ACOT12: variants seen among roughly 807,000 people sequenced by gnomAD.
The protein encoded by ACOT12 is acetyl-coenzyme A thioesterase.
ACOT12 carries 51 observed loss-of-function variants against 67.7 expected under a neutral mutation model. The ratio of observed to expected loss-of-function variants is 0.75; its 90% CI spans 0.60 to 0.95. The LOEUF is 0.95. Among genes scored for constraint, ACOT12 ranks in the 40% least tolerant of loss-of-function variants. ACOT12 has a pLI of 0.00. For synonymous variants in ACOT12, 251 were observed against 244.6 expected (o/e 1.03, Z -0.24); for missense variants, 734 against 708.1 (o/e 1.04, Z -0.41).
chr5:81,349,540 C>T (rs1035159504), intron 5 of ACOT12, among the ~76,000 whole-genome samples: 26 of 152,128 alleles, frequency 1.7e-4, no homozygotes, highest in African/African-American at 4.1e-4. Flanking sequence ...CTGTGGCCCC[C>T]CCTTGGTCAT....
At chr5:81,336,332 A>G (rs1759002593) in intron 11 of ACOT12, among the ~76,000 whole-genome samples, 2 of 152,132 alleles carry the variant, frequency 1.3e-5, no homozygotes, top group Admixed American at 1.3e-4. Context: ...CTTTCCCAGG[A>G]TGTCAGGCGT....
At chr5:81,320,138 C>A in the ACOT12 span, among the ~76,000 whole-genome samples, 1 of 152,242 alleles carries the variant, frequency 6.6e-6, no homozygotes, top group Middle Eastern at 3.4e-3. Context: ...ATTTATTTTT[C>A]AATCTCCTTA....
chr5:81,361,968 A>G (rs1470430795), intron 4 of ACOT12, among the ~76,000 whole-genome samples: 2 of 152,178 alleles, frequency 1.3e-5, no homozygotes, highest in South Asian at 4.1e-4. Flanking sequence ...CTGATTTTTC[A>G]TGGGTCTCTT....
At chr5:81,331,274 A>G (rs1438240415) in intron 13 of ACOT12, among the ~76,000 whole-genome samples, 1 of 152,234 alleles carries the variant, frequency 6.6e-6, no homozygotes, top group African/African-American at 2.4e-5. Flanking sequence ...GCAGTGGCTC[A>G]CGCCTGTAAT....
rs193294387 is a variant in ACOT12, at chr5:81,361,607, A to G, written c.361-1569T>C. 1.5e-4 allele frequency among the ~76,000 whole-genome samples: 23 copies of G among 152,274 alleles called. No individual in the cohort carries two copies. In the East Asian group the frequency reaches 4.4e-3, roughly 29 times the overall value. On this transcript the variant is annotated intron_variant, in intron 4 of 14. Transcript: ENST00000307624. ...TTCTCCTGAAACCAAGATACCTCGC[A>G]TATGTTTTGGTGATTTCTGTTCTGC... is the stretch of plus-strand genomic sequence containing the variant.
At chr5:81,312,816 C>T in the ACOT12 span, 1 of 542,262 alleles carries the variant, frequency 1.8e-6, no homozygotes, top group Non-Finnish European at 3.3e-6. Context: ...TTTATTCTGT[C>T]TATCAAATAG....
At chr5:81,361,587 C>T (rs1418431203) in intron 4 of ACOT12, among the ~76,000 whole-genome samples, 2 of 152,132 alleles carry the variant, frequency 1.3e-5, no homozygotes, top group African/African-American at 4.8e-5. Flanking sequence ...GTTGGTTCTC[C>T]TGAAACCAAG....
At chr5:81,378,365 C>A (rs907138367) in intron 2 of ACOT12, among the ~76,000 whole-genome samples, 2 of 152,092 alleles carry the variant, frequency 1.3e-5, no homozygotes, top group African/African-American at 4.8e-5. Context: ...AAAGGTAAGA[C>A]CTAAAACCAT....
rs759471963 is a variant in ACOT12 at position 81,347,874 on chromosome 5, T to C, written c.553A>G (p.Ser185Gly). ...AVSTRGTSVQ[S>G]IELVLPPHAN... ...TGGGGTGGGAGGACCAGTTCAATGC[T>C]CTGAACGGAGGTGCCCCTTGTGGAA... The change falls in exon 6 of 15, where the codon AGC becomes GGC. Residue 185 changes from serine (S) to glycine (G), a missense_variant. Coordinates refer to ENST00000307624, the MANE Select transcript of ACOT12 (RefSeq NM_130767.3). 1.2e-6 allele frequency: 2 copies of C among 1,614,162 alleles called. No individual in the cohort carries two copies. The highest frequency in any genetic ancestry group is 3.3e-5 in the Admixed American group (2 of 60,012).
intron 2 of ACOT12, among the ~76,000 whole-genome samples, chr5:81,376,597 C>T (rs1368166206): frequency 1.3e-5 from 2 of 151,726 alleles, no homozygotes; most frequent in East Asian, 1.9e-4. Flanking sequence ...CCTATCCGGA[C>T]TAATAAAGAA....
At chr5:81,311,440 A>T in the ACOT12 span, among the ~76,000 whole-genome samples, 1 of 152,206 alleles carries the variant, frequency 6.6e-6, no homozygotes, top group Non-Finnish European at 1.5e-5. Flanking sequence ...ATAGACACAC[A>T]TAGTATTGAG....
At chr5:81,365,285 A>G (rs1760045694) in intron 3 of ACOT12, among the ~76,000 whole-genome samples, 1 of 152,240 alleles carries the variant, frequency 6.6e-6, no homozygotes, top group Non-Finnish European at 1.5e-5. Flanking sequence ...CCATGTAAAA[A>G]GAATAATCAA....
At chr5:81,363,961 T>C in intron 3 of ACOT12, 72 bp from the exon 4 acceptor site, 1 of 935,024 alleles carries the variant, frequency 1.1e-6, no homozygotes, top group Non-Finnish European at 1.5e-6. Context: ...TTTAGTCATA[T>C]GTATGCACCA....
chr5:81,347,448 T>C (rs1759414908), intron 6 of ACOT12, among the ~76,000 whole-genome samples: 1 of 152,222 alleles, frequency 6.6e-6, no homozygotes, highest in East Asian at 1.9e-4. Flanking sequence ...CTGTCTTCTA[T>C]TTCTGTTCTG....
At chr5:81,323,555 T>A in the ACOT12 span, among the ~76,000 whole-genome samples, 3 of 152,216 alleles carry the variant, frequency 2.0e-5, no homozygotes, top group Admixed American at 2.0e-4. Flanking sequence ...ATGTGTCACA[T>A]GGTCAAGCCC....
At chr5:81,356,777 C>T (rs1316822386) in intron 5 of ACOT12, among the ~76,000 whole-genome samples, 4 of 151,264 alleles carry the variant, frequency 2.6e-5, no homozygotes, top group African/African-American at 4.9e-5. Context: ...GGTGTGATCT[C>T]GTGTGTATTT....
the ACOT12 span, chr5:81,309,178 TA>T: frequency 1.6e-6 from 1 of 623,262 alleles, no homozygotes; most frequent in Admixed American, 3.6e-5. Context: ...TATCAAGTGC[TA>T]TCATATGTAC....
In ACOT12 at chr5:81,344,888, G is replaced by T; in HGVS notation, c.924+3C>A. On this transcript the variant is annotated splice_donor_region_variant and intron_variant, in intron 8 of 14. Transcript: ENST00000307624. ...TATTGAACCTCGTGTGATAATAACT[G>T]ACCTTTGAAATGGGTTGGATTCTGG... 1 of 1,614,114 alleles carries T rather than the reference G, an allele frequency of 6.2e-7. No individual in the cohort carries two copies. The highest frequency in any genetic ancestry group is 1.1e-5 in the South Asian group (1 of 91,050).
chr5:81,323,522 T>G, the ACOT12 span, among the ~76,000 whole-genome samples: 2 of 152,198 alleles, frequency 1.3e-5, no homozygotes, highest in Admixed American at 1.3e-4. Context: ...TTTGATTGCA[T>G]GATGTCTGCT....
Sources: gnomAD v4.1 joint callset for allele counts (sites outside exome capture counted in the v4.1 genomes callset) on GRCh38, gnomAD v4.1.1 for gene constraint, MANE v1.5 for transcripts, NCBI Gene and HGNC (gene_info 2026-07-23, HGNC 2026-07-21) for gene names.